Variants in LIG3 observed in about 807,000 individuals in gnomAD.
LIG3 encodes ligase II, DNA, ATP-dependent.
LIG3 carries 58 observed loss-of-function variants against 110.9 expected under a neutral mutation model. The ratio of observed to expected loss-of-function variants is 0.52; its 90% CI spans 0.42 to 0.65. The LOEUF is 0.65. Ranked by LOEUF, LIG3 falls within the 30% of genes least tolerant of loss-of-function variation. The probability of loss-of-function intolerance (pLI) is 0.00; values close to 1 mark genes in which losing one functional copy is unlikely to be tolerated. For missense variants in LIG3, 1,094 were observed against 1,273.8 expected (o/e 0.86, Z 2.15); for synonymous variants, 422 against 472.8 (o/e 0.89, Z 1.39).
intron 1 of LIG3, chr17:34,981,168 G>A (rs1191673515): frequency 6.6e-6 from 1 of 152,386 alleles, no homozygotes; most frequent in Non-Finnish European, 1.5e-5. Flanking sequence ...GGTGCGGAAC[G>A]AGGGACAGAC....
Position 34,980,609 on chromosome 17 carries a change from A to G in LIG3, c.-18A>G. ...TTCCGAGGCCTACGGTGAGCGCCGG[A>G]GCCGGAGAGGCAGGTGAGGGGCTAC... On this transcript the variant is annotated 5_prime_UTR_variant, in exon 1 of 20. Transcript: ENST00000378526. 1 of 1,284,448 alleles carries G rather than the reference A, an allele frequency of 7.8e-7. No individual in the cohort carries two copies. The highest frequency in any genetic ancestry group is 1.0e-6 in the Non-Finnish European group (1 of 986,314). The allele number at this position is 1,284,448 out of a possible 1,614,324, so 79.6% of individuals were successfully genotyped here.
chr17:35,005,210 G>C lies in LIG3; in HGVS notation c.*704G>C. The C allele has an allele frequency of 2.3e-6, 1 of 439,460 alleles. No individual in the cohort carries two copies. Among genetic ancestry groups the C allele is most frequent in the Non-Finnish European group, 4.6e-6 (1 of 217,924 alleles). 27.2% of individuals were successfully genotyped at this position (439,460 alleles called of 1,614,324 possible). ...GGGATAGAGGGCTCCAGGAAGATCTGCATCCCCAAAACCTGGAAACAAGAC... is the reference window on the plus strand; with the variant it reads ...GGGATAGAGGGCTCCAGGAAGATCTCCATCCCCAAAACCTGGAAACAAGAC... On this transcript the variant is annotated 3_prime_UTR_variant, in exon 20 of 20. Coordinates refer to ENST00000378526, the MANE Select transcript of LIG3 (RefSeq NM_013975.4).
chr17:34,983,369 G>T lies in LIG3; in HGVS notation c.364G>T (p.Val122Leu). The change falls in exon 2 of 20, where the codon GTG becomes TTG. Residue 122 changes from valine (V) to leucine (L), a missense_variant. Val to Leu is a conservative substitution (Grantham distance 32). Transcript: ENST00000378526. ...GAAGGGCGTATGCCGAATTGGCAAA[G>T]TGGTGCCCAATCCCTTCTCAGAGTC... Reference protein sequence around the residue: ...IVKGVCRIGKVVPNPFSESGG... With the variant: ...IVKGVCRIGKLVPNPFSESGG... 1.2e-6 allele frequency: 2 copies of T among 1,614,244 alleles called. No homozygotes were observed. The highest frequency in any genetic ancestry group is 1.7e-6 in the Non-Finnish European group (2 of 1,180,058).
chr17:34,980,587 C>T lies in LIG3; in HGVS notation c.-40C>T, dbSNP rs1396354126. 2.3e-6 allele frequency: 3 copies of T among 1,286,926 alleles called. No homozygotes were observed. Among genetic ancestry groups the T allele is most frequent in the Non-Finnish European group, 3.0e-6 (3 of 987,554 alleles). The allele number at this position is 1,286,926 out of a possible 1,614,324, so 79.7% of individuals were successfully genotyped here. On this transcript the variant is annotated 5_prime_UTR_variant, in exon 1 of 20. An upstream open reading frame in the 5' UTR gains an earlier in-frame stop. Coordinates refer to ENST00000378526, the MANE Select transcript of LIG3 (RefSeq NM_013975.4). ...CCCGCGGCCTGTAATGAGCAAGTTC[C>T]GAGGCCTACGGTGAGCGCCGGAGCC...
intron 18 of LIG3, 47 bp downstream of exon 18, chr17:35,002,151 G>A (rs373024761): frequency 2.1e-5 from 31 of 1,473,294 alleles, no homozygotes; most frequent in Middle Eastern, 2.1e-4. Context: ...CGGTGTGAGG[G>A]GCAGAGATCC....
At position 34,999,816 on chromosome 17, in the gene LIG3, A is replaced by G. The variant is rs1005632825; in HGVS notation, c.2291A>G (p.Asn764Ser). 1 of 1,614,184 alleles carries G rather than the reference A, an allele frequency of 6.2e-7. No individual in the cohort carries two copies. The highest frequency in any genetic ancestry group is 8.5e-7 in the Non-Finnish European group (1 of 1,180,024). Reference sequence around the variant, plus strand: ...AAAATACCCAGCTGGTTGAAGGTCAACAAGATCTACTATCCTGACTTCATC... The same window carrying G: ...AAAATACCCAGCTGGTTGAAGGTCAGCAAGATCTACTATCCTGACTTCATC... ...PSKIPSWLKVNKIYYPDFIVP... is the reference protein window; with the variant it reads ...PSKIPSWLKVSKIYYPDFIVP... Residue 764 changes from asparagine (N) to serine (S), a missense_variant, in exon 16 of 20, where the codon AAC becomes AGC. Physicochemically the swap from Asn to Ser is conservative, Grantham distance 46. Coordinates refer to ENST00000378526, the MANE Select transcript of LIG3 (RefSeq NM_013975.4).
rs1173975580 is a variant in LIG3 at position 34,996,056 on chromosome 17, G to C, written c.1612-8G>C. 2.5e-6 allele frequency: 4 copies of C among 1,611,506 alleles called. No homozygotes were observed. In the East Asian group the frequency reaches 6.7e-5, roughly 27 times the overall value. ...CATCCCTCACCAAAGCTCCCCTTCTGCTTTCAGGTGGCCCACTTTAAGGAC... is the reference window on the plus strand; with the variant it reads ...CATCCCTCACCAAAGCTCCCCTTCTCCTTTCAGGTGGCCCACTTTAAGGAC... On this transcript the variant is annotated splice_region_variant and splice_polypyrimidine_tract_variant and intron_variant, in intron 9 of 19. Transcript: ENST00000378526.
intron 12 of LIG3, 161 bp from the exon 13 acceptor site, chr17:34,998,054 CTGTT>C (rs2090798057): frequency 3.1e-6 from 2 of 653,544 alleles, no homozygotes; most frequent in Admixed American, 2.8e-5. Context: ...CAGCAGCCCT[CTGTT>C]TGGGATGAGA....
Position 35,002,927 on chromosome 17 carries a change from C to G in LIG3, c.2796+138C>G, listed in dbSNP as rs572273903. On this transcript the variant is annotated intron_variant, in intron 19 of 19. Transcript: ENST00000378526. ...GGCTAAACCTCTTCCCTGCCTGCAG[C>G]CACTCCTCTGTCGTGGGCAGGGTCA... 50 of 1,607,080 alleles carry G rather than the reference C, an allele frequency of 3.1e-5. 1 individual carries two copies. In the South Asian group the frequency reaches 4.5e-4, roughly 15 times the overall value.
Position 35,005,193 on chromosome 17 carries a change from G to C in LIG3, c.*687G>C. ...TGGGCCACTCCTCTGGAGGGATAGA[G>C]GGCTCCAGGAAGATCTGCATCCCCA... On this transcript the variant is annotated 3_prime_UTR_variant, in exon 20 of 20. Transcript: ENST00000378526. The C allele has an allele frequency of 2.4e-6, 1 of 419,514 alleles. No individual in the cohort carries two copies. Among genetic ancestry groups the C allele is most frequent in the South Asian group, 1.8e-5 (1 of 56,570 alleles). The allele number at this position is 419,514 out of a possible 1,614,324, so 26.0% of individuals were successfully genotyped here.
Position 35,002,709 on chromosome 17 carries a change from G to A in LIG3, c.2716G>A (p.Glu906Lys). 1 of 1,613,714 alleles carries A rather than the reference G, an allele frequency of 6.2e-7. No homozygotes were observed. The highest frequency in any genetic ancestry group is 8.5e-7 in the Non-Finnish European group (1 of 1,179,866). The change falls in exon 19 of 20, where the codon GAG (glutamate) becomes AAG (lysine). Residue 906 changes from glutamate to lysine, a missense_variant. Physicochemically the swap from Glu to Lys is moderately conservative, Grantham distance 56. Transcript: ENST00000378526. ...AAAGCCTTCCGCTATGAAGGTGGGGGAGAAGCTGGCCACAAAGTCTTCTCC... is the reference window on the plus strand; with the variant it reads ...AAAGCCTTCCGCTATGAAGGTGGGGAAGAAGCTGGCCACAAAGTCTTCTCC... ...TAKPSAMKVG[E>K]KLATKSSPVK... is the part of the protein sequence containing the mutation.
rs984411435 is a variant in LIG3, at chr17:34,999,958, G to C, written c.2331+102G>C. 3 of 897,856 alleles carry C rather than the reference G, an allele frequency of 3.3e-6. No homozygotes were observed. In the Admixed American group the frequency reaches 6.7e-5, roughly 20 times the overall value. The allele number at this position is 897,856 out of a possible 1,614,324, so 55.6% of individuals were successfully genotyped here. A position where few individuals can be genotyped will look rare whatever the true frequency, so the allele number is the denominator to read the frequency against. ...CTCACCTCGCTGAAAGTCCACCCAG[G>C]GATAGGGGTCTGGATTTCCAGCTGA... On this transcript the variant is annotated intron_variant, in intron 16 of 19. Coordinates refer to ENST00000378526, the MANE Select transcript of LIG3 (RefSeq NM_013975.4).
At chr17:34,990,932 ATTTCTC>A (rs2090712858) in intron 4 of LIG3, 25 bp from the exon 5 acceptor site, 3 of 1,608,030 alleles carry the variant, frequency 1.9e-6, no homozygotes, top group African/African-American at 1.3e-5. Flanking sequence ...TTTAAGCTCT[ATTTCTC>A]AAGAAGGGTT....
intron 2 of LIG3, among the ~76,000 whole-genome samples, chr17:34,984,647 CTT>C (rs1048138062): frequency 2.3e-5 from 3 of 132,896 alleles, no homozygotes; most frequent in African/African-American, 5.5e-5. Context: ...TCTGTTTCTT[CTT>C]TTTTTTTTTT....
At chr17:34,986,332 G>T (rs771830069) in intron 3 of LIG3, among the ~76,000 whole-genome samples, 35 of 151,906 alleles carry the variant, frequency 2.3e-4, no homozygotes, top group Non-Finnish European at 4.4e-4. Flanking sequence ...GGTTTTGGGG[G>T]TTTTTTTGAG....
chr17:35,001,936 G>T lies in LIG3; in HGVS notation c.2506G>T (p.Ala836Ser). 6.2e-7 allele frequency: 1 copy of T among 1,611,308 alleles called. No individual in the cohort carries two copies. Among genetic ancestry groups the T allele is most frequent in the South Asian group, 1.1e-5 (1 of 90,600 alleles). The change falls in exon 18 of 20, where the codon GCA becomes TCA. Residue 836 changes from alanine (A) to serine (S), a missense_variant. By Grantham distance (99) the Ala-to-Ser change is moderately conservative. Coordinates refer to ENST00000378526, the MANE Select transcript of LIG3 (RefSeq NM_013975.4). ...KELYQLSKEKADFTVVAGDEG... is the reference protein window; with the variant it reads ...KELYQLSKEKSDFTVVAGDEG... ...ACTGTACCAGTTGTCCAAGGAGAAG[G>T]CAGACTTCACTGTAGTGGCTGGAGA...
At chr17:35,002,629 G>A (rs2074522) in intron 18 of LIG3, 39 bp from the exon 19 acceptor site, 155,219 of 1,598,088 alleles carry the variant, frequency 0.097, 8,204 homozygotes, top group South Asian at 0.15. Context: ...GGGACTATAG[G>A]TGTGCACCAC....
Position 35,003,236 on chromosome 17 carries a change from CACCT to C in LIG3, c.2796+448_2796+451del, listed in dbSNP as rs143627735. 6,058 of 1,296,648 alleles carry C rather than the reference CACCT, an allele frequency of 4.7e-3. 238 individuals carry two copies. In the African/African-American group the frequency reaches 0.08, roughly 17 times the overall value. 80.3% of individuals were successfully genotyped at this position (1,296,648 alleles called of 1,614,324 possible). A position where few individuals can be genotyped will look rare whatever the true frequency, so the allele number is the denominator to read the frequency against. ...GGCACTGGCTTGGTGACTCTCCTCC[CACCT>C]GAGGAGCCTTTTCCCTGTTACATTT... On this transcript the variant is annotated intron_variant, in intron 19 of 19. Transcript: ENST00000378526.
At chr17:34,990,814 C>T in intron 4 of LIG3, 149 bp from the exon 5 acceptor site, 1 of 669,250 alleles carries the variant, frequency 1.5e-6, no homozygotes, top group Non-Finnish European at 2.5e-6. Context: ...CCAGGGTGGT[C>T]TCAAACTTGT....
Sources: gnomAD v4.1 joint callset for allele counts (sites outside exome capture counted in the v4.1 genomes callset) on GRCh38, gnomAD v4.1.1 for gene constraint, MANE v1.5 for transcripts, NCBI Gene and HGNC (gene_info 2026-07-23, HGNC 2026-07-21) for gene names.